Variants in ADGRD2 observed in about 807,000 individuals in gnomAD.
ADGRD2 encodes G protein-coupled receptor PGR24.
A neutral mutation model predicts 44.4 loss-of-function variants in ADGRD2; 71 were observed. That is an observed-to-expected ratio of 1.60 (90% CI 1.32 to 1.95). The LOEUF (loss-of-function observed/expected upper bound fraction) is 1.95, where lower values mean the gene tolerates loss of function less well. Among genes scored for constraint, ADGRD2 ranks in the 30% most tolerant of loss-of-function variants. The pLI, the probability that ADGRD2 is intolerant of heterozygous loss-of-function variation, is 0.00. For missense variants in ADGRD2, 1,039 were observed against 512.4 expected, an observed-to-expected ratio of 2.03 and a Z score of -9.92; for synonymous variants, 481 against 224.8, an observed-to-expected ratio of 2.14 and a Z score of -10.19.
intron 11 of ADGRD2, 155 bp downstream of exon 14, chr9:124,466,568 C>A: frequency 2.1e-6 from 1 of 467,490 alleles, no homozygotes; most frequent in Non-Finnish European, 3.9e-6. Context: ...GCCTGTTGTC[C>A]CAGCACTTTG....
At chr9:124,470,538 T>C (rs768119881) in exon 17 of ADGRD2, 8 of 710,880 alleles carry the variant, frequency 1.1e-5, no homozygotes, top group African/African-American at 5.2e-5. Flanking sequence ...GTCCTAGGCC[T>C]GACCTGGCTG....
exon 17 of ADGRD2, chr9:124,470,514 T>C: frequency 1.4e-6 from 1 of 711,288 alleles, no homozygotes. Flanking sequence ...AAGCCCGTGC[T>C]GGTCCTGCTG....
At chr9:124,452,706 G>A (rs1402673047) in exon 2 of ADGRD2, 5 of 714,674 alleles carry the variant, frequency 7.0e-6, no homozygotes, top group South Asian at 4.4e-5. Flanking sequence ...CCCCTCTGCG[G>A]AGACCCCCAC....
intron 10 of ADGRD2, among the ~76,000 whole-genome samples, chr9:124,464,925 T>A (rs749976748): frequency 6.6e-6 from 1 of 152,154 alleles, no homozygotes; most frequent in Non-Finnish European, 1.5e-5. Flanking sequence ...ATCACGGAGA[T>A]CTTTCACATC....
intron 11 of ADGRD2, chr9:124,467,352 A>C (rs1831842981): frequency 6.2e-5 from 11 of 178,818 alleles, no homozygotes; most frequent in Admixed American, 1.8e-4. Flanking sequence ...AAAAAAAAAA[A>C]AAAAAAAAAA....
upstream of ADGRD2, among the ~76,000 whole-genome samples, chr9:124,450,505 T>C (rs952714639): frequency 9.9e-5 from 15 of 152,148 alleles, no homozygotes; most frequent in African/African-American, 3.6e-4. Context: ...AGGCCAGCCA[T>C]AGCGGGTGAG....
At chr9:124,462,494 T>C (rs572154947) in intron 10 of ADGRD2, among the ~76,000 whole-genome samples, 4 of 152,338 alleles carry the variant, frequency 2.6e-5, no homozygotes, top group African/African-American at 9.6e-5. Context: ...ATTGACTGTG[T>C]ATATCAATTT....
Position 124,454,342 on chromosome 9 carries a change from G to A in ADGRD2, c.1023-142G>A, listed in dbSNP as rs746588959. The A allele has an allele frequency of 1.5e-5, 9 of 601,388 alleles. No homozygotes were observed. Among genetic ancestry groups the A allele is most frequent in the East Asian group, 2.8e-5 (1 of 36,110 alleles). The allele number at this position is 601,388 out of a possible 1,614,324, so 37.3% of individuals were successfully genotyped here. Reference sequence around the variant, plus strand: ...CCTCAGTTTCCCCATCTAGAACACCGTGTGTAAGACTCTGGACACACAGCC... The same window carrying A: ...CCTCAGTTTCCCCATCTAGAACACCATGTGTAAGACTCTGGACACACAGCC... On this transcript the variant is annotated intron_variant, in intron 4 of 21. Coordinates refer to ENST00000334810, the Ensembl canonical transcript of ADGRD2. This position sits in a 1 kb window ranked among gnomAD's most constrained non-coding sequence, Gnocchi z 4.5.
In ADGRD2 at chr9:124,452,604, C is replaced by A. The variant is rs1192508499; in HGVS notation, c.165C>A (p.Cys55Ter). The A allele has an allele frequency of 1.4e-6, 1 of 718,468 alleles. No homozygotes were observed. Among genetic ancestry groups the A allele is most frequent in the Non-Finnish European group, 2.6e-6 (1 of 385,098 alleles). The allele number at this position is 718,468 out of a possible 1,614,324, so 44.5% of individuals were successfully genotyped here. A position where few individuals can be genotyped will look rare whatever the true frequency, so the allele number is the denominator to read the frequency against. ...GCTGGTGGCAGGCCCAAGAGTCCTGCGAGCAGCAGTTTGGCCACTTGGCAC... is the reference window on the plus strand; with the variant it reads ...GCTGGTGGCAGGCCCAAGAGTCCTGAGAGCAGCAGTTTGGCCACTTGGCAC... Residue 55 changes from cysteine (C) to a stop codon, truncating the protein, a stop_gained, in exon 2 of 22, where the codon TGC (cysteine) becomes TGA (stop). Transcript: ENST00000334810. LOFTEE classifies it high-confidence loss of function.
chr9:124,458,030 G>T, intron 8 of ADGRD2, 83 bp from the exon 12 acceptor site: 1 of 702,494 alleles, frequency 1.4e-6, no homozygotes, highest in South Asian at 1.5e-5. Context: ...TCTCTAGAGT[G>T]GGGAGAGCAT....
chr9:124,472,436 TTTTGTTTG>T (rs968774450), intron 17 of ADGRD2, among the ~76,000 whole-genome samples: 2 of 151,558 alleles, frequency 1.3e-5, no homozygotes, highest in Non-Finnish European at 2.9e-5. Context: ...TGGTTTGTTT[TTTTGTTTG>T]TTTGTTTGTT....
At chr9:124,459,889 G>C (rs1831695067) in intron 10 of ADGRD2, among the ~76,000 whole-genome samples, 1 of 152,110 alleles carries the variant, frequency 6.6e-6, no homozygotes, top group African/African-American at 2.4e-5. Context: ...GCAGGTAATA[G>C]GGACCAAGTG....
chr9:124,457,143 C>T (rs1831632321), intron 7 of ADGRD2, among the ~76,000 whole-genome samples: 1 of 152,236 alleles, frequency 6.6e-6, no homozygotes, highest in Non-Finnish European at 1.5e-5. Flanking sequence ...CAAGTACACA[C>T]TCCGTGAATG....
At chr9:124,460,389 T>TATATA (rs1554718953) in intron 10 of ADGRD2, among the ~76,000 whole-genome samples, 3,195 of 26,820 alleles carry the variant, frequency 0.12, 52 homozygotes, top group Non-Finnish European at 0.15. Flanking sequence ...TATATATATA[T>TATATA]TTTTTTTTAG....
chr9:124,455,518 G>A (rs1276728187), intron 6 of ADGRD2, among the ~76,000 whole-genome samples: 1 of 152,014 alleles, frequency 6.6e-6, no homozygotes. Flanking sequence ...TAAACCCAGG[G>A]GGCGGAGGTT....
chr9:124,461,996 C>G (rs1211318060), intron 10 of ADGRD2, among the ~76,000 whole-genome samples: 2 of 152,100 alleles, frequency 1.3e-5, no homozygotes, highest in Non-Finnish European at 2.9e-5. Context: ...AGCCATCTGC[C>G]TCAGCCTTCC....
At chr9:124,452,470 C>G (rs1269023090) in intron 1 of ADGRD2, 40 bp from the exon 5 acceptor site, 2 of 717,898 alleles carry the variant, frequency 2.8e-6, no homozygotes, top group Non-Finnish European at 5.2e-6. Context: ...GTCAGATGCC[C>G]ACAAAATGCA....
In ADGRD2 at chr9:124,457,621, G is replaced by T. The variant is rs1423262708; in HGVS notation, c.1640+15G>T. The T allele has an allele frequency of 8.1e-6, 5 of 617,734 alleles. No homozygotes were observed. The East Asian group carries it at 1.4e-4, about 17-fold the overall frequency. The allele number at this position is 617,734 out of a possible 1,614,324, so 38.3% of individuals were successfully genotyped here. Reference sequence around the variant, plus strand: ...CCTCAGGAAAGGTGGGTGAGGATGAGGGGGTGTCCAGAGCCCTGTTGGGTT... The same window carrying T: ...CCTCAGGAAAGGTGGGTGAGGATGATGGGGTGTCCAGAGCCCTGTTGGGTT... On this transcript the variant is annotated intron_variant, in intron 8 of 21. Transcript: ENST00000334810.
chr9:124,464,154 G>T (rs1367768263), intron 10 of ADGRD2, among the ~76,000 whole-genome samples: 1 of 151,536 alleles, frequency 6.6e-6, no homozygotes, highest in Non-Finnish European at 1.5e-5. Flanking sequence ...GAATTTTTGA[G>T]ATTATATTTA....
Sources: allele counts gnomAD v4.1 joint callset (sites outside exome capture counted in the v4.1 genomes callset), GRCh38; gene constraint gnomAD v4.1.1; non-coding constraint Gnocchi (gnomAD v3.1); transcripts MANE v1.5; gene names NCBI Gene and HGNC (gene_info 2026-07-23, HGNC 2026-07-21).